Variants in BTBD9 observed in about 807,000 individuals in gnomAD.
The protein encoded by BTBD9 is BTB/POZ domain-containing protein 9.
In BTBD9, 49 loss-of-function variants were observed where a neutral mutation model predicts 64.3. The ratio of observed to expected loss-of-function variants is 0.76; its 90% CI spans 0.61 to 0.97. The LOEUF is 0.97. Among genes scored for constraint, BTBD9 ranks in the 50% least tolerant of loss-of-function variants. The probability of loss-of-function intolerance (pLI) is 0.00; values close to 1 mark genes in which losing one functional copy is unlikely to be tolerated. For synonymous variants in BTBD9, 260 were observed against 274.7 expected, an observed-to-expected ratio of 0.95 and a Z score of 0.53; for missense variants, 598 against 762.1, an observed-to-expected ratio of 0.78 and a Z score of 2.53.
At chr6:38,266,610 GAAAGA>G (rs1764989430) in intron 8 of BTBD9, among the ~76,000 whole-genome samples, 1 of 3,632 alleles carries the variant, frequency 2.8e-4, no homozygotes, top group African/African-American at 1.5e-3. Context: ...AGAAAGGAAA[GAAAGA>G]AAGAAAGAAA....
At chr6:38,585,834 A>T (rs1197362688) in intron 4 of BTBD9, among the ~76,000 whole-genome samples, 1 of 152,052 alleles carries the variant, frequency 6.6e-6, no homozygotes, top group Non-Finnish European at 1.5e-5. Flanking sequence ...AGCTCAACCT[A>T]GTATAAGAAT....
chr6:38,239,207 C>G (rs538815869), intron 9 of BTBD9, among the ~76,000 whole-genome samples: 3 of 151,912 alleles, frequency 2.0e-5, no homozygotes, highest in African/African-American at 7.3e-5. Flanking sequence ...TTTGGGAGGC[C>G]GAGGTGGACA....
chr6:38,607,905 C>G (rs575633077), intron 1 of BTBD9, among the ~76,000 whole-genome samples: 1 of 152,214 alleles, frequency 6.6e-6, no homozygotes, highest in East Asian at 1.9e-4. Context: ...CAGAATCATT[C>G]AAATCTTCCA....
chr6:38,518,167 C>A (rs1773122944), intron 6 of BTBD9, among the ~76,000 whole-genome samples: 2 of 151,786 alleles, frequency 1.3e-5, no homozygotes, highest in Non-Finnish European at 2.9e-5. Context: ...TTTAATGTGC[C>A]CCCCACCCCC....
At chr6:38,228,581 A>C (rs1763490368) in intron 9 of BTBD9, among the ~76,000 whole-genome samples, 1 of 152,008 alleles carries the variant, frequency 6.6e-6, no homozygotes, top group African/African-American at 2.4e-5. Context: ...TCTTAAAAAA[A>C]AAACAGTCTC....
chr6:38,315,445 G>A (rs1216864170), intron 7 of BTBD9, among the ~76,000 whole-genome samples: 2 of 150,912 alleles, frequency 1.3e-5, no homozygotes, highest in Non-Finnish European at 1.5e-5. Context: ...TTTTAGTACC[G>A]CTTTCGCTGT....
intron 6 of BTBD9, among the ~76,000 whole-genome samples, chr6:38,369,344 T>C (rs1471159494): frequency 6.6e-6 from 1 of 152,190 alleles, no homozygotes; most frequent in Non-Finnish European, 1.5e-5. Context: ...AACACAAATA[T>C]ACAAATGGGC....
At chr6:38,298,904 G>A (rs935863083) in intron 7 of BTBD9, among the ~76,000 whole-genome samples, 3 of 148,954 alleles carry the variant, frequency 2.0e-5, no homozygotes, top group African/African-American at 5.0e-5. Context: ...TGTGCACAAC[G>A]TGCAGGTTTG....
At chr6:38,511,563 G>A (rs746090965) in intron 6 of BTBD9, among the ~76,000 whole-genome samples, 7 of 151,596 alleles carry the variant, frequency 4.6e-5, no homozygotes, top group Admixed American at 6.6e-5. Flanking sequence ...GGCTGGTCTC[G>A]AACTCCTGAG....
intron 6 of BTBD9, among the ~76,000 whole-genome samples, chr6:38,561,426 C>T (rs558078794): frequency 3.9e-5 from 6 of 152,156 alleles, no homozygotes; most frequent in African/African-American, 1.4e-4. Context: ...CCATTCAATC[C>T]AGGAATCCCT....
chr6:38,288,216 A>C (rs1210835501), intron 8 of BTBD9, 56 bp downstream of exon 8: 10 of 1,490,484 alleles, frequency 6.7e-6, no homozygotes, highest in Admixed American at 1.9e-5. Flanking sequence ...ACCAAAATAC[A>C]ATCTATATGT....
chr6:38,247,924 C>T (rs1764266552), intron 9 of BTBD9, among the ~76,000 whole-genome samples: 1 of 151,134 alleles, frequency 6.6e-6, no homozygotes, highest in African/African-American at 2.4e-5. Context: ...ACTTATGGCT[C>T]TAGCAAAAAA....
intron 1 of BTBD9, among the ~76,000 whole-genome samples, chr6:38,619,556 A>T (rs1007037283): frequency 6.6e-6 from 1 of 152,162 alleles, no homozygotes; most frequent in Non-Finnish European, 1.5e-5. Context: ...CAGAGGACAA[A>T]GGTTCTCTGG....
At chr6:38,279,364 A>G (rs961581617) in intron 8 of BTBD9, among the ~76,000 whole-genome samples, 1 of 152,154 alleles carries the variant, frequency 6.6e-6, no homozygotes, top group Non-Finnish European at 1.5e-5. Context: ...CTGGGAAAAG[A>G]GTCTCTGATT....
chr6:38,545,517 T>A (rs1422389151), intron 6 of BTBD9, among the ~76,000 whole-genome samples: 1 of 152,112 alleles, frequency 6.6e-6, no homozygotes, highest in Non-Finnish European at 1.5e-5. Context: ...CAATGGCTCA[T>A]GCCTGTAATC....
At chr6:38,346,841 C>T (rs1008062725) in intron 6 of BTBD9, among the ~76,000 whole-genome samples, 2 of 152,128 alleles carry the variant, frequency 1.3e-5, no homozygotes, top group Non-Finnish European at 2.9e-5. Context: ...GCTGTGTCAG[C>T]CTGAGTGCTG....
intron 9 of BTBD9, among the ~76,000 whole-genome samples, chr6:38,195,168 A>G (rs1762234403): frequency 6.6e-6 from 1 of 152,120 alleles, no homozygotes; most frequent in Non-Finnish European, 1.5e-5. Flanking sequence ...CTTGAAGGGG[A>G]AATGACAAGG....
intron 6 of BTBD9, among the ~76,000 whole-genome samples, chr6:38,453,068 C>T (rs1769628297): frequency 6.6e-6 from 1 of 152,058 alleles, no homozygotes; most frequent in Non-Finnish European, 1.5e-5. Context: ...AGCTAGAAAG[C>T]GTATAACAGA....
At chr6:38,502,635 C>G (rs917973284) in intron 6 of BTBD9, among the ~76,000 whole-genome samples, 4 of 152,210 alleles carry the variant, frequency 2.6e-5, no homozygotes, top group Admixed American at 1.3e-4. Flanking sequence ...AGCAGGATAT[C>G]TTCATCTTCT....
Sources: gnomAD v4.1 joint callset for allele counts (sites outside exome capture counted in the v4.1 genomes callset) on GRCh38, gnomAD v4.1.1 for gene constraint, MANE v1.5 for transcripts, NCBI Gene and HGNC (gene_info 2026-07-23, HGNC 2026-07-21) for gene names.